SP100: variants seen among roughly 807,000 people sequenced by gnomAD.
SP100 encodes the protein nuclear autoantigen Sp-100.
SP100 carries 84 observed loss-of-function variants against 130.0 expected under a neutral mutation model. That is an observed-to-expected ratio of 0.65 (90% CI 0.54 to 0.77). The LOEUF is 0.77. SP100 is among the 30% of genes least tolerant of loss of function. SP100 has a pLI of 0.00. For synonymous variants in SP100, 331 were observed against 351.7 expected (o/e 0.94, Z 0.66); for missense variants, 978 against 1,052.2 (o/e 0.93, Z 0.97).
intron 20 of SP100, among the ~76,000 whole-genome samples, chr2:230,503,548 T>C (rs958161035): frequency 2.6e-5 from 4 of 152,198 alleles, no homozygotes; most frequent in African/African-American, 7.2e-5. Flanking sequence ...AATCACCCTA[T>C]TGATCTATTG....
At chr2:230,528,481 A>G (rs1234841167) in intron 24 of SP100, among the ~76,000 whole-genome samples, 1 of 152,228 alleles carries the variant, frequency 6.6e-6, no homozygotes, top group Non-Finnish European at 1.5e-5. Context: ...AGCAGGAAAG[A>G]TCTGCAATGA....
intron 4 of SP100, among the ~76,000 whole-genome samples, chr2:230,444,844 T>C (rs1186561364): frequency 6.6e-6 from 1 of 152,172 alleles, no homozygotes; most frequent in Non-Finnish European, 1.5e-5. Flanking sequence ...ACAAGAGTTA[T>C]CAATTGAAGG....
intron 2 of SP100, among the ~76,000 whole-genome samples, chr2:230,430,229 C>T (rs1162055416): frequency 6.6e-6 from 1 of 152,208 alleles, no homozygotes; most frequent in Non-Finnish European, 1.5e-5. Flanking sequence ...ATTGCCTGTG[C>T]TCTGAGGTTG....
chr2:230,472,107 C>A (rs896502155), intron 15 of SP100, among the ~76,000 whole-genome samples: 1 of 151,876 alleles, frequency 6.6e-6, no homozygotes, highest in Non-Finnish European at 1.5e-5. Context: ...TGGATAAAGA[C>A]AAAGATTGAA....
At chr2:230,436,462 C>A (rs544574930) in intron 2 of SP100, among the ~76,000 whole-genome samples, 2 of 147,230 alleles carry the variant, frequency 1.4e-5, no homozygotes, top group East Asian at 4.0e-4. Flanking sequence ...TGAGTGAGTT[C>A]TCATGAGATC....
chr2:230,462,544 T>C, intron 10 of SP100, 26 bp downstream of exon 10: 1 of 1,556,508 alleles, frequency 6.4e-7, no homozygotes, highest in Non-Finnish European at 8.9e-7. Context: ...AGAGCAAGGC[T>C]TGGGCTGTGG....
chr2:230,426,289 C>A (rs532158118), intron 2 of SP100, among the ~76,000 whole-genome samples: 1 of 152,250 alleles, frequency 6.6e-6, no homozygotes, highest in East Asian at 1.9e-4. Flanking sequence ...CTGCTGCTAA[C>A]TTTGAGTTTA....
At chr2:230,459,539 C>A (rs1444110450) in intron 8 of SP100, among the ~76,000 whole-genome samples, 1 of 152,196 alleles carries the variant, frequency 6.6e-6, no homozygotes, top group Admixed American at 6.5e-5. Context: ...TGCCTGAAGA[C>A]CTTTATTTAA....
At chr2:230,475,577 A>G (rs1575692084) in intron 17 of SP100, among the ~76,000 whole-genome samples, 2 of 152,262 alleles carry the variant, frequency 1.3e-5, no homozygotes. Context: ...TTGAGTTGCA[A>G]TTGCTTTTGG....
intron 26 of SP100, 28 bp from the exon 27 acceptor site, chr2:230,541,273 A>G (rs1279233647): frequency 3.7e-6 from 6 of 1,604,346 alleles, no homozygotes; most frequent in Non-Finnish European, 4.3e-6. Flanking sequence ...AATTGCATTT[A>G]ATTTGAAATG....
At position 230,462,442 on chromosome 2, in the gene SP100, C is replaced by T. The variant is rs1363138550; in HGVS notation, c.981C>T (p.Ser327=). 1.9e-6 allele frequency: 3 copies of T among 1,612,708 alleles called. No individual in the cohort carries two copies. Among genetic ancestry groups the T allele is most frequent in the East Asian group, 2.2e-5 (1 of 44,856 alleles). The change falls in exon 10 of 29, where the codon AGC becomes AGT. Residue 327 remains serine (S), a synonymous_variant. Coordinates refer to ENST00000340126, the MANE Select transcript of SP100 (RefSeq NM_001080391.2). ...TTTTGCTCCTTTGTGCAGTCATCAG[C>T]AGTGAGGACTCTGAAGGATCCACTG... is the stretch of plus-strand genomic sequence containing the variant. The part of the protein sequence containing the change: ...HNQASDIIVI[S]SEDSEGSTDV...
At chr2:230,429,495 T>A (rs949380663) in intron 2 of SP100, among the ~76,000 whole-genome samples, 1 of 152,184 alleles carries the variant, frequency 6.6e-6, no homozygotes, top group African/African-American at 2.4e-5. Context: ...TTCATTTCTC[T>A]CCCCAAATGT....
chr2:230,531,839 G>T (rs955176757), intron 24 of SP100, among the ~76,000 whole-genome samples: 1 of 152,156 alleles, frequency 6.6e-6, no homozygotes, highest in Admixed American at 6.5e-5. Flanking sequence ...TGCATCATAT[G>T]TTTTTAGGCT....
intron 24 of SP100, among the ~76,000 whole-genome samples, chr2:230,527,251 A>C (rs1244465886): frequency 6.6e-6 from 1 of 152,244 alleles, no homozygotes; most frequent in Non-Finnish European, 1.5e-5. Context: ...ACAAGCCAGA[A>C]GACAGTGGCA....
intron 20 of SP100, among the ~76,000 whole-genome samples, chr2:230,503,614 C>A (rs1415350414): frequency 2.0e-5 from 3 of 152,210 alleles, no homozygotes. Flanking sequence ...CTTCGTCAAT[C>A]TCTCTTTATC....
intron 24 of SP100, chr2:230,516,549 T>C (rs1347069669): frequency 6.6e-6 from 1 of 152,236 alleles, no homozygotes; most frequent in Non-Finnish European, 1.5e-5. Flanking sequence ...GTAATTCTTA[T>C]TTTGCTGGTG....
chr2:230,426,026 T>C (rs542183662), intron 2 of SP100, among the ~76,000 whole-genome samples: 15 of 152,286 alleles, frequency 9.8e-5, no homozygotes, highest in Admixed American at 6.5e-4. Context: ...GGCTATACAA[T>C]TTGTTGATGT....
At chr2:230,510,960 G>C in intron 23 of SP100, 165 bp from the exon 24 acceptor site, 1 of 660,106 alleles carries the variant, frequency 1.5e-6, no homozygotes, top group South Asian at 1.7e-5. Flanking sequence ...ACATAATTTA[G>C]TGCTTTTTTA....
intron 15 of SP100, among the ~76,000 whole-genome samples, chr2:230,471,277 C>T (rs919621915): frequency 3.9e-5 from 6 of 152,200 alleles, no homozygotes; most frequent in East Asian, 1.9e-4. Context: ...AGAAGGAGAA[C>T]GAAGTGTGGC....
Sources: gnomAD v4.1 joint callset for allele counts (sites outside exome capture counted in the v4.1 genomes callset) on GRCh38, gnomAD v4.1.1 for gene constraint, MANE v1.5 for transcripts, NCBI Gene and HGNC (gene_info 2026-07-23, HGNC 2026-07-21) for gene names.